The following CREB3L3 variants were observed in gnomAD, a reference collection of about 807,000 sequenced individuals.
CREB3L3 encodes cyclic AMP-responsive element-binding protein 3-like protein 3.
CREB3L3 carries 40 observed loss-of-function variants against 44.6 expected under a neutral mutation model. That is an observed-to-expected ratio of 0.90 (90% CI 0.70 to 1.17). The LOEUF is 1.17. Among genes scored for constraint, CREB3L3 ranks in the 50% most tolerant of loss-of-function variants. CREB3L3 has a pLI of 0.00. For missense variants in CREB3L3, 578 were observed against 595.8 expected (o/e 0.97, Z 0.31); for synonymous variants, 273 against 256.3 (o/e 1.06, Z -0.62).
chr19:4,168,743 T>G (rs1966978975), intron 6 of CREB3L3, among the ~76,000 whole-genome samples: 1 of 152,094 alleles, frequency 6.6e-6, no homozygotes, highest in South Asian at 2.1e-4. Context: ...ACTTCCTTTT[T>G]GTGTGTGTGG....
Position 4,153,711 on chromosome 19 carries a change from C to A in CREB3L3, c.-37C>A. On this transcript the variant is annotated 5_prime_UTR_variant, in exon 1 of 10. Transcript: ENST00000078445. ...GTGGGCCTCCAGCTTGGAGCAGAGACCCCCCGAGGCATCTGCAGACAGAAC... is the reference window on the plus strand; with the variant it reads ...GTGGGCCTCCAGCTTGGAGCAGAGAACCCCCGAGGCATCTGCAGACAGAAC... The A allele has an allele frequency of 6.2e-7, 1 of 1,613,306 alleles. No homozygotes were observed. The highest frequency in any genetic ancestry group is 1.7e-4 in the Middle Eastern group (1 of 6,060).
chr19:4,172,939 T>G lies in CREB3L3; in HGVS notation c.*970T>G, dbSNP rs956522410. The G allele has an allele frequency of 6.5e-6, 1 of 153,058 alleles. No individual in the cohort carries two copies. The highest frequency in any genetic ancestry group is 2.4e-5 in the African/African-American group (1 of 41,396). The allele number at this position is 153,058 out of a possible 1,614,324, so 9.5% of individuals were successfully genotyped here. ...ACTGGGAGGAGGAAGCCGCCGAGAC[T>G]GCAGGGAGCCTGGCCCCGGAGCCCC... is the stretch of plus-strand genomic sequence containing the variant. On this transcript the variant is annotated 3_prime_UTR_variant, in exon 10 of 10. Coordinates refer to ENST00000078445, the MANE Select transcript of CREB3L3 (RefSeq NM_032607.3).
intron 5 of CREB3L3, among the ~76,000 whole-genome samples, chr19:4,167,801 G>A (rs1966950500): frequency 6.6e-6 from 1 of 151,760 alleles, no homozygotes; most frequent in Admixed American, 6.6e-5. Context: ...TTGGGCAAAG[G>A]GTAGCTTCAA....
chr19:4,168,959 T>C (rs1443498305), intron 6 of CREB3L3, among the ~76,000 whole-genome samples: 1 of 151,958 alleles, frequency 6.6e-6, no homozygotes, highest in Non-Finnish European at 1.5e-5. Flanking sequence ...AGTCTCAAAC[T>C]CCTGACCTCA....
rs368728235 is a variant in CREB3L3 at position 4,157,162 on chromosome 19, C to G, written c.324C>G (p.Thr108=). ...QDTPPRSGPA[T]SPAGCHPAQP... The stretch of plus-strand genomic sequence containing the variant: ...CCCCTCCACGCAGCGGACCAGCCAC[C>G]TCCCCCGCCGGCTGCCATCCTGCCC... The change falls in exon 3 of 10, where the codon ACC becomes ACG. Residue 108 remains threonine (T), a synonymous_variant. Coordinates refer to ENST00000078445, the MANE Select transcript of CREB3L3 (RefSeq NM_032607.3). 6.6e-5 allele frequency: 106 copies of G among 1,613,916 alleles called. No homozygotes were observed. Among genetic ancestry groups the G allele is most frequent in the Non-Finnish European group, 8.8e-5 (104 of 1,180,000 alleles).
chr19:4,171,487 A>AT lies in CREB3L3; in HGVS notation c.1072+9dup. The AT allele has an allele frequency of 1.2e-6, 2 of 1,613,696 alleles. No individual in the cohort carries two copies. The highest frequency in any genetic ancestry group is 1.7e-6 in the Non-Finnish European group (2 of 1,179,770). Reference sequence around the variant, plus strand: ...ACTTTGCGCCTGTACGAGGTAGGGGATCCCCACCTTTGAAACCCTTGTCTG... The same window carrying AT: ...ACTTTGCGCCTGTACGAGGTAGGGGATTCCCCACCTTTGAAACCCTTGTCTG... On this transcript the variant is annotated intron_variant, in intron 9 of 9. Transcript: ENST00000078445. This position sits in a 1 kb window ranked among gnomAD's most constrained non-coding sequence, Gnocchi z 4.9.
At chr19:4,167,000 G>A (rs1204126724) in intron 5 of CREB3L3, among the ~76,000 whole-genome samples, 1 of 152,034 alleles carries the variant, frequency 6.6e-6, no homozygotes, top group Non-Finnish European at 1.5e-5. Context: ...CCAAAGTGCT[G>A]GGATTACAGC....
At chr19:4,162,652 C>T (rs1377623631) in intron 4 of CREB3L3, among the ~76,000 whole-genome samples, 1 of 151,926 alleles carries the variant, frequency 6.6e-6, no homozygotes, top group South Asian at 2.1e-4. Flanking sequence ...CGACTGCACT[C>T]CAGCCTGGGT....
At chr19:4,160,120 AC>A (rs2145124928) in intron 4 of CREB3L3, among the ~76,000 whole-genome samples, 1 of 151,774 alleles carries the variant, frequency 6.6e-6, no homozygotes, top group African/African-American at 2.4e-5. Context: ...ACATGGTGAA[AC>A]CCCATCTATA....
chr19:4,158,694 G>A (rs150369804), intron 3 of CREB3L3, among the ~76,000 whole-genome samples: 1,614 of 151,888 alleles, frequency 0.011, 16 homozygotes, highest in Non-Finnish European at 0.015. Flanking sequence ...TCAGCTACTC[G>A]GGAGGCTAAG....
chr19:4,156,927 G>A, intron 2 of CREB3L3, 68 bp from the exon 3 acceptor site: 1 of 1,542,192 alleles, frequency 6.5e-7, no homozygotes, highest in Non-Finnish European at 8.9e-7. Flanking sequence ...GGTTTCCCTG[G>A]GGCCACACAC....
In CREB3L3 at chr19:4,172,332, C is replaced by T; in HGVS notation, c.*363C>T. 1 of 426,082 alleles carries T rather than the reference C, an allele frequency of 2.3e-6. No individual in the cohort carries two copies. Among genetic ancestry groups the T allele is most frequent in the South Asian group, 2.3e-5 (1 of 42,660 alleles). 26.4% of individuals were successfully genotyped at this position (426,082 alleles called of 1,614,324 possible). A position where few individuals can be genotyped will look rare whatever the true frequency, so the allele number is the denominator to read the frequency against. On this transcript the variant is annotated 3_prime_UTR_variant, in exon 10 of 10. Coordinates refer to ENST00000078445, the MANE Select transcript of CREB3L3 (RefSeq NM_032607.3). ...AGACCCAGACAAACAGACAGACAGA[C>T]ACAGCCTGAAACAGACCCAGACAGA...
At chr19:4,167,602 GA>G (rs1966945779) in intron 5 of CREB3L3, among the ~76,000 whole-genome samples, 1 of 151,648 alleles carries the variant, frequency 6.6e-6, no homozygotes, top group Non-Finnish European at 1.5e-5. Context: ...TAAGAAAGAA[GA>G]AAAAAATTAT....
rs1599344413 is a variant in CREB3L3 at position 4,168,475 on chromosome 19, C to G, written c.821+18C>G. The G allele has an allele frequency of 6.4e-7, 1 of 1,569,228 alleles. No individual in the cohort carries two copies. Among genetic ancestry groups the G allele is most frequent in the Non-Finnish European group, 8.7e-7 (1 of 1,145,778 alleles). On this transcript the variant is annotated intron_variant, in intron 6 of 9. Transcript: ENST00000078445. ...GAGACTCGGTGGGTAGTGCTGGACCCAGACTCTACACTCGTGGAGGAAACT... is the reference window on the plus strand; with the variant it reads ...GAGACTCGGTGGGTAGTGCTGGACCGAGACTCTACACTCGTGGAGGAAACT...
intron 4 of CREB3L3, among the ~76,000 whole-genome samples, chr19:4,161,726 G>A (rs1341745533): frequency 6.6e-6 from 1 of 152,202 alleles, no homozygotes; most frequent in Non-Finnish European, 1.5e-5. Context: ...TTTCTCCAAT[G>A]CCAAAGGTTA....
chr19:4,167,553 G>A (rs1267807899), intron 5 of CREB3L3, among the ~76,000 whole-genome samples: 1 of 131,826 alleles, frequency 7.6e-6, no homozygotes, highest in African/African-American at 2.7e-5. Flanking sequence ...AGGGAGGGAG[G>A]GAGGGAGGGG....
In CREB3L3 at chr19:4,171,781, G is replaced by C. The variant is rs775793810; in HGVS notation, c.1198G>C (p.Gly400Arg). ...TTREESPGSPGADWGFQDTAN... is the reference protein window; with the variant it reads ...TTREESPGSPRADWGFQDTAN... ...CCGAGAAGAGTCTCCAGGAAGCCCC[G>C]GGGCAGACTGGGGCTTCCAGGACAC... is the stretch of plus-strand genomic sequence containing the variant. Residue 400 changes from glycine to arginine, a missense_variant, in exon 10 of 10, where the codon GGG becomes CGG. Gly to Arg is a moderately radical substitution (Grantham distance 125, BLOSUM62 -2). Coordinates refer to ENST00000078445, the MANE Select transcript of CREB3L3 (RefSeq NM_032607.3). This position sits in a 1 kb window ranked among gnomAD's most constrained non-coding sequence, Gnocchi z 4.9. 13 of 1,613,292 alleles carry C rather than the reference G, an allele frequency of 8.1e-6. No individual in the cohort carries two copies. Among genetic ancestry groups the C allele is most frequent in the Non-Finnish European group, 1.1e-5 (13 of 1,179,998 alleles).
intron 1 of CREB3L3, among the ~76,000 whole-genome samples, chr19:4,153,988 T>C (rs1169177554): frequency 4.6e-5 from 7 of 152,190 alleles, no homozygotes; most frequent in Non-Finnish European, 5.9e-5. Context: ...GAGCGGGCAC[T>C]TGGGGAGGCT....
Position 4,170,130 on chromosome 19 carries a change from C to A in CREB3L3, c.822-10C>A. ...ATATGCTGAATGTCGATGCGTCTTC[C>A]TCCTTTCAGGATGTCAGCTTGCACT... On this transcript the variant is annotated splice_polypyrimidine_tract_variant and intron_variant, in intron 6 of 9. Coordinates refer to ENST00000078445, the MANE Select transcript of CREB3L3 (RefSeq NM_032607.3). 6.2e-7 allele frequency: 1 copy of A among 1,613,966 alleles called. No individual in the cohort carries two copies. Among genetic ancestry groups the A allele is most frequent in the Non-Finnish European group, 8.5e-7 (1 of 1,179,886 alleles).
Sources: gnomAD v4.1 joint callset for allele counts (sites outside exome capture counted in the v4.1 genomes callset) on GRCh38, gnomAD v4.1.1 for gene constraint, Gnocchi (gnomAD v3.1) non-coding constraint, MANE v1.5 for transcripts, NCBI Gene and HGNC (gene_info 2026-07-23, HGNC 2026-07-21) for gene names.